ATG7: variants seen among roughly 807,000 people sequenced by gnomAD.
The protein encoded by ATG7 is ubiquitin-like modifier-activating enzyme ATG7.
A neutral mutation model predicts 82.4 loss-of-function variants in ATG7; 70 were observed. The observed-to-expected ratio is 0.85, with a 90% CI of 0.70 to 1.04. ATG7 has a LOEUF of 1.04. Among genes scored for constraint, ATG7 ranks in the 50% least tolerant of loss-of-function variants. The pLI is 0.00. For synonymous variants in ATG7, 287 were observed against 313.0 expected (o/e 0.92, Z 0.88); for missense variants, 792 against 864.3 (o/e 0.92, Z 1.05).
intron 20 of ATG7, among the ~76,000 whole-genome samples, chr3:11,512,875 T>C (rs1295826851): frequency 6.6e-6 from 1 of 152,154 alleles, no homozygotes; most frequent in Admixed American, 6.5e-5. Flanking sequence ...AGCTGATTGG[T>C]CCATTTTACA....
At chr3:11,338,989 G>C (rs1164613940) in intron 11 of ATG7, among the ~76,000 whole-genome samples, 1 of 152,114 alleles carries the variant, frequency 6.6e-6, no homozygotes, top group Non-Finnish European at 1.5e-5. Context: ...AAAAGTAGGA[G>C]AATGGACAAA....
At chr3:11,409,401 G>A (rs902871753) in intron 19 of ATG7, among the ~76,000 whole-genome samples, 2 of 152,246 alleles carry the variant, frequency 1.3e-5, no homozygotes, top group Non-Finnish European at 2.9e-5. Context: ...AGTACTCTAT[G>A]TTGCACTGTG....
At chr3:11,384,481 A>G (rs572056490) in intron 19 of ATG7, among the ~76,000 whole-genome samples, 4 of 152,294 alleles carry the variant, frequency 2.6e-5, no homozygotes, top group Admixed American at 6.5e-5. Context: ...GTGACTTGCT[A>G]TTAGCTTTCT....
At chr3:11,514,576 C>G (rs1350241506) in intron 20 of ATG7, among the ~76,000 whole-genome samples, 1 of 152,232 alleles carries the variant, frequency 6.6e-6, no homozygotes, top group African/African-American at 2.4e-5. Context: ...ATGGCGCTAG[C>G]CAGCTCTATG....
At chr3:11,543,592 G>A (rs752759) in intron 20 of ATG7, among the ~76,000 whole-genome samples, 4,330 of 152,228 alleles carry the variant, frequency 0.028, 222 homozygotes, top group African/African-American at 0.098. Context: ...GGGAGGCACC[G>A]GGGTGGTGTG....
chr3:11,283,355 C>T (rs2152647023), intron 3 of ATG7, among the ~76,000 whole-genome samples: 1 of 152,306 alleles, frequency 6.6e-6, no homozygotes, highest in East Asian at 1.9e-4. Flanking sequence ...AAACTACCAG[C>T]AGCTACCATT....
intron 19 of ATG7, among the ~76,000 whole-genome samples, chr3:11,385,631 C>G (rs527989420): frequency 2.6e-5 from 4 of 152,168 alleles, no homozygotes; most frequent in African/African-American, 9.7e-5. Flanking sequence ...CCTCTTGTTA[C>G]GGCATCCCAA....
chr3:11,355,289 C>A (rs978973148), intron 14 of ATG7, among the ~76,000 whole-genome samples: 3 of 152,252 alleles, frequency 2.0e-5, no homozygotes, highest in Middle Eastern at 6.8e-3. Flanking sequence ...AGAATGGCCC[C>A]TATAAAGTTT....
At chr3:11,525,805 C>T (rs964531563) in intron 20 of ATG7, among the ~76,000 whole-genome samples, 2 of 151,808 alleles carry the variant, frequency 1.3e-5, no homozygotes, top group African/African-American at 4.8e-5. Flanking sequence ...CTGCCCGCCT[C>T]GGCCTCCCAA....
At chr3:11,281,853 C>T (rs1251351276) in intron 2 of ATG7, among the ~76,000 whole-genome samples, 1 of 151,932 alleles carries the variant, frequency 6.6e-6, no homozygotes, top group Non-Finnish European at 1.5e-5. Context: ...TTTGCTTGGC[C>T]CAGTTTTAAA....
At position 11,415,502 on chromosome 3, in the gene ATG7, TACAAA is replaced by T. The variant is rs573827478; in HGVS notation, c.1957-11300_1957-11296del. Among the ~76,000 whole-genome samples, 23 of 152,334 alleles carry T rather than the reference TACAAA, an allele frequency of 1.5e-4. No individual in the cohort carries two copies. The South Asian group carries it at 3.5e-3, about 23-fold the overall frequency. On this transcript the variant is annotated intron_variant, in intron 19 of 20. Transcript: ENST00000693202. Reference sequence around the variant, plus strand: ...GCTTAAAACACAAATTGTACAGCCATACAAAAACATTTTTTCTTTATACCCTTATC... The same window carrying T: ...GCTTAAAACACAAATTGTACAGCCATAACATTTTTTCTTTATACCCTTATC...
intron 20 of ATG7, among the ~76,000 whole-genome samples, chr3:11,535,484 G>C (rs1467271711): frequency 6.6e-6 from 1 of 152,160 alleles, no homozygotes; most frequent in African/African-American, 2.4e-5. Flanking sequence ...GCAGGTCTCA[G>C]AGCAGGCTCT....
At chr3:11,528,306 T>G (rs1400698684) in intron 20 of ATG7, among the ~76,000 whole-genome samples, 1 of 152,132 alleles carries the variant, frequency 6.6e-6, no homozygotes, top group Non-Finnish European at 1.5e-5. Flanking sequence ...TTTATTGAAG[T>G]CATAATGGCA....
At chr3:11,411,266 C>G (rs935251664) in intron 19 of ATG7, among the ~76,000 whole-genome samples, 1 of 152,158 alleles carries the variant, frequency 6.6e-6, no homozygotes, top group Admixed American at 6.6e-5. Flanking sequence ...TTCACATCAT[C>G]TGCCCATTTT....
chr3:11,303,406 A>C (rs1317954660), intron 5 of ATG7, among the ~76,000 whole-genome samples: 1 of 152,246 alleles, frequency 6.6e-6, no homozygotes, highest in Non-Finnish European at 1.5e-5. Flanking sequence ...GCGGTGGCTC[A>C]CGCCTGTAAT....
intron 19 of ATG7, among the ~76,000 whole-genome samples, chr3:11,411,916 A>G (rs918753286): frequency 1.3e-5 from 2 of 150,226 alleles, no homozygotes; most frequent in Non-Finnish European, 3.0e-5. Flanking sequence ...TGAGAGTCCA[A>G]TTTCCTTCTT....
chr3:11,534,647 C>A (rs1268524777), intron 20 of ATG7, among the ~76,000 whole-genome samples: 1 of 152,232 alleles, frequency 6.6e-6, no homozygotes, highest in African/African-American at 2.4e-5. Flanking sequence ...CGTCTGTTAG[C>A]AGGACATGGA....
chr3:11,312,845 G>A (rs547151321), intron 7 of ATG7, among the ~76,000 whole-genome samples: 84 of 152,162 alleles, frequency 5.5e-4, no homozygotes, highest in Admixed American at 6.5e-4. Flanking sequence ...TATGGTCAGT[G>A]GAAAAAAGCT....
chr3:11,461,797 C>T (rs1221513292), intron 20 of ATG7, among the ~76,000 whole-genome samples: 3 of 151,998 alleles, frequency 2.0e-5, no homozygotes, highest in East Asian at 1.9e-4. Context: ...GAGGCCGAAG[C>T]GGGCGGATCA....
Sources: allele counts gnomAD v4.1 joint callset (sites outside exome capture counted in the v4.1 genomes callset), GRCh38; gene constraint gnomAD v4.1.1; transcripts MANE v1.5; gene names NCBI Gene and HGNC (gene_info 2026-07-23, HGNC 2026-07-21).